Variants in SIPA1L1 observed in about 807,000 individuals in gnomAD.
The protein encoded by SIPA1L1 is signal-induced proliferation-associated 1-like protein 1.
In SIPA1L1, 26 loss-of-function variants were observed where a neutral mutation model predicts 162.7. That is an observed-to-expected ratio of 0.16 (90% CI 0.12 to 0.22). The LOEUF (loss-of-function observed/expected upper bound fraction) is 0.22. Among genes scored for constraint, SIPA1L1 ranks in the 10% least tolerant of loss-of-function variants. The probability of loss-of-function intolerance (pLI) is 1.00; values close to 1 mark genes in which losing one functional copy is unlikely to be tolerated. For missense variants in SIPA1L1, 1,874 were observed against 2,241.0 expected (o/e 0.84, Z 3.31); for synonymous variants, 829 against 837.4 (o/e 0.99, Z 0.17).
chr14:71,698,673 A>G (rs905065845), intron 13 of SIPA1L1, among the ~76,000 whole-genome samples: 4 of 152,248 alleles, frequency 2.6e-5, no homozygotes, highest in African/African-American at 9.6e-5. Flanking sequence ...CTGCCATACT[A>G]GGAAACTGCA....
intron 19 of SIPA1L1, among the ~76,000 whole-genome samples, chr14:71,726,697 G>A (rs2150265700): frequency 6.6e-6 from 1 of 152,324 alleles, no homozygotes; most frequent in East Asian, 1.9e-4. Context: ...CCATCACAGT[G>A]AGAAGGCTGT....
intron 2 of SIPA1L1, among the ~76,000 whole-genome samples, chr14:71,436,760 ATT>A (rs1231560483): frequency 1.4e-3 from 185 of 130,968 alleles, no homozygotes; most frequent in Non-Finnish European, 2.5e-3. Context: ...TACCTTCTGA[ATT>A]TTTTTTTTTT....
At chr14:71,486,631 C>G (rs548893484) in intron 2 of SIPA1L1, among the ~76,000 whole-genome samples, 1 of 152,260 alleles carries the variant, frequency 6.6e-6, no homozygotes, top group African/African-American at 2.4e-5. Flanking sequence ...TCAAATACAA[C>G]TTTTATTTTT....
intron 2 of SIPA1L1, among the ~76,000 whole-genome samples, chr14:71,483,919 T>G (rs2048541582): frequency 6.6e-6 from 1 of 152,216 alleles, no homozygotes; most frequent in Admixed American, 6.5e-5. Context: ...ATCGCTAGGT[T>G]GGGCTGCATG....
At chr14:71,422,955 A>G (rs551251943) in intron 2 of SIPA1L1, among the ~76,000 whole-genome samples, 75 of 152,310 alleles carry the variant, frequency 4.9e-4, no homozygotes, top group African/African-American at 1.7e-3. Context: ...ACAGTGCACA[A>G]AGATTCCAGT....
At chr14:71,598,701 C>T (rs555450458) in intron 5 of SIPA1L1, among the ~76,000 whole-genome samples, 4 of 151,924 alleles carry the variant, frequency 2.6e-5, no homozygotes, top group East Asian at 3.9e-4. Context: ...TGGTGAAATT[C>T]GAATAAGAAC....
intron 2 of SIPA1L1, among the ~76,000 whole-genome samples, chr14:71,383,354 A>G (rs1230328642): frequency 6.6e-6 from 1 of 152,160 alleles, no homozygotes; most frequent in Non-Finnish European, 1.5e-5. Context: ...ATGGGGTTCC[A>G]TTTATGTAGA....
At chr14:71,357,026 T>G (rs1439744793) in intron 2 of SIPA1L1, among the ~76,000 whole-genome samples, 1 of 152,142 alleles carries the variant, frequency 6.6e-6, no homozygotes, top group African/African-American at 2.4e-5. Flanking sequence ...TTAGCAGAAT[T>G]ACAAATCATG....
chr14:71,516,095 G>A (rs1043719604), intron 3 of SIPA1L1, among the ~76,000 whole-genome samples: 2 of 152,182 alleles, frequency 1.3e-5, no homozygotes, highest in Admixed American at 6.5e-5. Flanking sequence ...AGGCCTCTAA[G>A]TGCACCTCAC....
chr14:71,544,224 C>T (rs1017120970), intron 4 of SIPA1L1, among the ~76,000 whole-genome samples: 21 of 149,410 alleles, frequency 1.4e-4, no homozygotes, highest in Non-Finnish European at 2.2e-4. Flanking sequence ...TGTGTATATA[C>T]ATATATCATG....
intron 12 of SIPA1L1, among the ~76,000 whole-genome samples, chr14:71,680,388 G>C (rs1205853975): frequency 6.6e-6 from 1 of 152,216 alleles, no homozygotes; most frequent in South Asian, 2.1e-4. Flanking sequence ...TGAGAACAAA[G>C]ACACAACATA....
chr14:71,628,944 G>A lies in SIPA1L1; in HGVS notation c.1818+4708G>A, dbSNP rs554247033. 5.9e-5 allele frequency among the ~76,000 whole-genome samples: 9 copies of A among 152,050 alleles called. 1 individual carries two copies. In the South Asian group the frequency reaches 1.9e-3, roughly 32 times the overall value. On this transcript the variant is annotated intron_variant, in intron 7 of 23. Coordinates refer to ENST00000381232, the MANE Select transcript of SIPA1L1 (RefSeq NM_001386936.1). Reference sequence around the variant, plus strand: ...ATGTAAGGGAGTAATAAAAGTAGATGATTTTTTTTTTGAGACGGAGTCTCA... The same window carrying A: ...ATGTAAGGGAGTAATAAAAGTAGATAATTTTTTTTTTGAGACGGAGTCTCA...
intron 9 of SIPA1L1, among the ~76,000 whole-genome samples, chr14:71,660,684 T>A (rs1329816885): frequency 6.6e-6 from 1 of 152,188 alleles, no homozygotes; most frequent in Non-Finnish European, 1.5e-5. Flanking sequence ...CCTAGGATGA[T>A]TTGGGGTGCC....
At chr14:71,555,557 T>C (rs985745290) in intron 4 of SIPA1L1, among the ~76,000 whole-genome samples, 3 of 152,206 alleles carry the variant, frequency 2.0e-5, no homozygotes, top group Non-Finnish European at 4.4e-5. Flanking sequence ...TTCACTGCAG[T>C]AGTACTTTTA....
intron 2 of SIPA1L1, among the ~76,000 whole-genome samples, chr14:71,365,095 C>T (rs557793676): frequency 3.0e-4 from 45 of 151,814 alleles, no homozygotes; most frequent in East Asian, 9.7e-4. Context: ...AGTGCGATCA[C>T]GGCTCACTGC....
chr14:71,515,398 C>A (rs2051610236), intron 3 of SIPA1L1, among the ~76,000 whole-genome samples: 1 of 152,074 alleles, frequency 6.6e-6, no homozygotes. Flanking sequence ...TTTCTGTTAA[C>A]CTGTATAATT....
At chr14:71,544,096 C>T (rs527345725) in intron 4 of SIPA1L1, among the ~76,000 whole-genome samples, 22 of 142,734 alleles carry the variant, frequency 1.5e-4, no homozygotes, top group African/African-American at 2.5e-4. Context: ...TATATACACA[C>T]GCACATGTAT....
intron 2 of SIPA1L1, among the ~76,000 whole-genome samples, chr14:71,427,141 G>C (rs2043625999): frequency 6.6e-6 from 1 of 151,966 alleles, no homozygotes; most frequent in African/African-American, 2.4e-5. Context: ...TTATGTGGCT[G>C]CAAGTTACTT....
intron 5 of SIPA1L1, among the ~76,000 whole-genome samples, chr14:71,590,867 CT>C: frequency 6.6e-6 from 1 of 152,250 alleles, no homozygotes; most frequent in African/African-American, 2.4e-5. Context: ...ATGTAGGATG[CT>C]TAGCAGCATC....
Sources: allele counts gnomAD v4.1 joint callset (sites outside exome capture counted in the v4.1 genomes callset), GRCh38; gene constraint gnomAD v4.1.1; transcripts MANE v1.5; gene names NCBI Gene and HGNC (gene_info 2026-07-23, HGNC 2026-07-21).